USP15: variants seen among roughly 807,000 people sequenced by gnomAD.
USP15 encodes ubiquitin carboxyl-terminal hydrolase 15.
A neutral mutation model predicts 127.1 loss-of-function variants in USP15; 18 were observed. The ratio of observed to expected loss-of-function variants is 0.14; its 90% CI spans 0.10 to 0.21. The LOEUF (loss-of-function observed/expected upper bound fraction) is 0.21, where lower values mean the gene tolerates loss of function less well. Among genes scored for constraint, USP15 ranks in the 10% least tolerant of loss-of-function variants. The pLI, the probability that USP15 is intolerant of heterozygous loss-of-function variation, is 1.00. For synonymous variants in USP15, 364 were observed against 393.7 expected (o/e 0.92, Z 0.89); for missense variants, 805 against 1,159.9 (o/e 0.69, Z 4.44).
intron 19 of USP15, among the ~76,000 whole-genome samples, chr12:62,395,975 G>C (rs532663261): frequency 6.6e-6 from 1 of 151,948 alleles, no homozygotes; most frequent in Non-Finnish European, 1.5e-5. Flanking sequence ...CCAAATGTTA[G>C]CTGTTGTGAC....
Position 62,416,012 on chromosome 12 carries a change from A to G in USP15, c.*11637A>G, listed in dbSNP as rs2068146199. On this transcript the variant is annotated 3_prime_UTR_variant, in exon 22 of 22. Coordinates refer to ENST00000280377, the MANE Select transcript of USP15 (RefSeq NM_001252078.2). Reference sequence around the variant, plus strand: ...AGCAAGAGAGCAAAGAGTATGGTACAGTCAGTCCACCCAGGTTGCCTGTTA... The same window carrying G: ...AGCAAGAGAGCAAAGAGTATGGTACGGTCAGTCCACCCAGGTTGCCTGTTA... The G allele has an allele frequency of 6.6e-6, 1 of 152,224 alleles. No individual in the cohort carries two copies. The highest frequency in any genetic ancestry group is 2.4e-5 in the African/African-American group (1 of 41,458). The allele number at this position is 152,224 out of a possible 1,614,324, so 9.4% of individuals were successfully genotyped here. A position where few individuals can be genotyped will look rare whatever the true frequency, so the allele number is the denominator to read the frequency against.
intron 6 of USP15, among the ~76,000 whole-genome samples, chr12:62,343,897 A>T (rs1344175473): frequency 6.6e-6 from 1 of 152,084 alleles, no homozygotes; most frequent in Non-Finnish European, 1.5e-5. Context: ...CATGAGACCC[A>T]TTCACTATCA....
chr12:62,398,934 A>T (rs1322693897), intron 20 of USP15, among the ~76,000 whole-genome samples: 1 of 152,204 alleles, frequency 6.6e-6, no homozygotes, highest in Non-Finnish European at 1.5e-5. Flanking sequence ...TTGCATAATT[A>T]TACTTATGTT....
chr12:62,332,373 T>TC (rs1226653473), intron 6 of USP15, among the ~76,000 whole-genome samples: 1 of 152,078 alleles, frequency 6.6e-6, no homozygotes, highest in Non-Finnish European at 1.5e-5. Context: ...GAAAAAGTTT[T>TC]CCCCCCTAGT....
At chr12:62,396,838 C>T (rs2067507162) in intron 20 of USP15, among the ~76,000 whole-genome samples, 1 of 152,176 alleles carries the variant, frequency 6.6e-6, no homozygotes, top group Non-Finnish European at 1.5e-5. Context: ...TTATGATTTA[C>T]ATCTGCCATA....
intron 7 of USP15, 110 bp downstream of exon 7, chr12:62,349,417 G>C: frequency 1.6e-6 from 1 of 633,654 alleles, no homozygotes; most frequent in Non-Finnish European, 2.3e-6. Flanking sequence ...ATTAAAATTG[G>C]TTTTCTTTTA....
intron 6 of USP15, chr12:62,336,147 A>T (rs2065455957): frequency 1.0e-6 from 1 of 985,288 alleles, no homozygotes. Context: ...CTCTTTTATC[A>T]TACCATAGTA....
chr12:62,396,767 G>C (rs545016291), intron 20 of USP15, among the ~76,000 whole-genome samples: 2 of 152,104 alleles, frequency 1.3e-5, no homozygotes, highest in Admixed American at 1.3e-4. Flanking sequence ...ACTAGGTCTC[G>C]ACACTTATGA....
intron 2 of USP15, among the ~76,000 whole-genome samples, chr12:62,298,972 G>A (rs1431759884): frequency 6.6e-6 from 1 of 151,376 alleles, no homozygotes; most frequent in East Asian, 1.9e-4. Flanking sequence ...ATTGAATTTT[G>A]TAAAACATTC....
chr12:62,306,529 A>G (rs2064487918), intron 3 of USP15, among the ~76,000 whole-genome samples: 1 of 152,164 alleles, frequency 6.6e-6, no homozygotes, highest in African/African-American at 2.4e-5. Context: ...AAGTTTAGCA[A>G]CATGTTGCCT....
At chr12:62,381,026 C>T (rs1235085406) in intron 8 of USP15, among the ~76,000 whole-genome samples, 1 of 152,010 alleles carries the variant, frequency 6.6e-6, no homozygotes, top group Non-Finnish European at 1.5e-5. Context: ...GGTTTAAAGG[C>T]TGCTCTTTCA....
intron 4 of USP15, among the ~76,000 whole-genome samples, chr12:62,319,565 A>C (rs1265798947): frequency 6.6e-6 from 1 of 152,100 alleles, no homozygotes; most frequent in African/African-American, 2.4e-5. Flanking sequence ...TTTCTACCTC[A>C]CTTATTCTAC....
chr12:62,313,900 A>G (rs1466823435), intron 3 of USP15: 2 of 236,296 alleles, frequency 8.5e-6, no homozygotes, highest in Non-Finnish European at 1.4e-5. Context: ...GAATTGATGT[A>G]AGCTTGTGAG....
chr12:62,362,208 A>G (rs1022524470), intron 8 of USP15, among the ~76,000 whole-genome samples: 1 of 152,086 alleles, frequency 6.6e-6, no homozygotes, highest in African/African-American at 2.4e-5. Context: ...ATGCCAATCA[A>G]CCTATAAGAA....
chr12:62,262,608 A>G (rs886511585), intron 1 of USP15, among the ~76,000 whole-genome samples: 8 of 143,786 alleles, frequency 5.6e-5, no homozygotes, highest in African/African-American at 2.2e-4. Flanking sequence ...GTATTTTCAA[A>G]TAAGTATATT....
chr12:62,372,935 A>G (rs2066720633), intron 8 of USP15, among the ~76,000 whole-genome samples: 1 of 152,156 alleles, frequency 6.6e-6, no homozygotes, highest in African/African-American at 2.4e-5. Context: ...AAGTGAATAT[A>G]TGAAAAAGTT....
chr12:62,296,392 C>T (rs1199688725), intron 2 of USP15, among the ~76,000 whole-genome samples: 1 of 152,154 alleles, frequency 6.6e-6, no homozygotes, highest in Non-Finnish European at 1.5e-5. Context: ...CAGTGGAAAA[C>T]TAATAACACA....
intron 11 of USP15, among the ~76,000 whole-genome samples, chr12:62,385,665 T>C (rs1392817123): frequency 1.3e-5 from 2 of 152,022 alleles, no homozygotes; most frequent in African/African-American, 2.4e-5. Flanking sequence ...CTGGGGAATA[T>C]GTGTTCACAT....
At chr12:62,263,413 T>C (rs1043147053) in intron 1 of USP15, among the ~76,000 whole-genome samples, 6 of 152,240 alleles carry the variant, frequency 3.9e-5, no homozygotes, top group Non-Finnish European at 7.3e-5. Context: ...TTGCAGATAA[T>C]GACTGTCTCA....
Sources: gnomAD v4.1 joint callset for allele counts (sites outside exome capture counted in the v4.1 genomes callset) on GRCh38, gnomAD v4.1.1 for gene constraint, MANE v1.5 for transcripts, NCBI Gene and HGNC (gene_info 2026-07-23, HGNC 2026-07-21) for gene names.